The following HIPK2 variants were observed in gnomAD, a reference collection of about 807,000 sequenced individuals.
HIPK2 encodes homeodomain-interacting protein kinase 2.
HIPK2 carries 27 observed loss-of-function variants against 113.7 expected under a neutral mutation model. That is an observed-to-expected ratio of 0.24 (90% CI 0.17 to 0.33). The LOEUF (loss-of-function observed/expected upper bound fraction) is 0.33. Among genes scored for constraint, HIPK2 ranks in the 10% least tolerant of loss-of-function variants. The pLI, the probability that HIPK2 is intolerant of heterozygous loss-of-function variation, is 1.00. For synonymous variants in HIPK2, 631 were observed against 642.2 expected (o/e 0.98, Z 0.26); for missense variants, 1,257 against 1,588.0 (o/e 0.79, Z 3.54).
At chr7:139,624,188 T>A (rs978905131) in intron 6 of HIPK2, among the ~76,000 whole-genome samples, 37 of 152,160 alleles carry the variant, frequency 2.4e-4, no homozygotes, top group Non-Finnish European at 4.0e-4. Flanking sequence ...CACGCTTGGC[T>A]AATTTTTGTA....
intron 5 of HIPK2, among the ~76,000 whole-genome samples, chr7:139,628,156 C>G (rs914514420): frequency 1.3e-5 from 2 of 152,172 alleles, no homozygotes; most frequent in African/African-American, 2.4e-5. Flanking sequence ...CTGCCAGAAG[C>G]TGGGAGACAG....
rs752890410 is a variant in HIPK2 at position 139,631,688 on chromosome 7, C to T, written c.1141G>A (p.Ala381Thr). The T allele has an allele frequency of 6.2e-7, 1 of 1,613,932 alleles. No homozygotes were observed. Residue 381 changes from alanine to threonine, a missense_variant, in exon 3 of 15, where the codon GCA becomes ACA. Physicochemically the swap from Ala to Thr is moderately conservative, Grantham distance 58. Around this residue, in one of 5 missense-constraint regions of HIPK2, gnomAD observed 84 missense variants for 182.2 expected, o/e 0.46. Coordinates refer to ENST00000406875, the MANE Select transcript of HIPK2 (RefSeq NM_022740.5). This position sits in a 1 kb window ranked among gnomAD's most constrained non-coding sequence, Gnocchi z 4.9. Reference sequence around the variant, plus strand: ...CAGCCCAGGGACCACATGTCAATTGCCTCACAAAATGGTAAACCAAGGATG... The same window carrying T: ...CAGCCCAGGGACCACATGTCAATTGTCTCACAAAATGGTAAACCAAGGATG... ...EIILGLPFCE[A>T]IDMWSLGCVI...
In HIPK2 at chr7:139,583,828, C is replaced by T. The variant is rs765616125; in HGVS notation, c.2954G>A (p.Ser985Asn). 5 of 1,611,102 alleles carry T rather than the reference C, an allele frequency of 3.1e-6. No homozygotes were observed. In the South Asian group the frequency reaches 3.3e-5, roughly 11 times the overall value. ...QASEVLVECDSLVPVNTSHHS... is the reference protein window; with the variant it reads ...QASEVLVECDNLVPVNTSHHS... ...TGGCCCCAAATTACCTGGCACCAGG[C>T]TATCACACTCCACCAATACTTCGCT... is the stretch of plus-strand genomic sequence containing the variant. The change falls in exon 13 of 15, where the codon AGC becomes AAC. Residue 985 changes from serine (S) to asparagine (N), a missense_variant. Physicochemically the swap from Ser to Asn is conservative, Grantham distance 46. Coordinates refer to ENST00000406875, the MANE Select transcript of HIPK2 (RefSeq NM_022740.5).
At chr7:139,616,068 C>T (rs1158580033) in intron 7 of HIPK2, among the ~76,000 whole-genome samples, 1 of 152,122 alleles carries the variant, frequency 6.6e-6, no homozygotes, top group Non-Finnish European at 1.5e-5. Flanking sequence ...TATCTAGACT[C>T]CCCCCAGCCC....
chr7:139,776,259 T>C (rs1393229062), intron 1 of HIPK2, among the ~76,000 whole-genome samples: 2 of 151,838 alleles, frequency 1.3e-5, no homozygotes, highest in Non-Finnish European at 2.9e-5. Flanking sequence ...TGTTGCCTTC[T>C]AAACAGCCCC....
intron 10 of HIPK2, among the ~76,000 whole-genome samples, chr7:139,601,973 G>A (rs1006633057): frequency 1.7e-5 from 2 of 115,602 alleles, no homozygotes; most frequent in Non-Finnish European, 3.4e-5. Context: ...TTTTTTTTGA[G>A]ATGGAGTCTC....
intron 2 of HIPK2, among the ~76,000 whole-genome samples, chr7:139,695,277 C>T (rs966430202): frequency 2.6e-5 from 4 of 152,206 alleles, no homozygotes; most frequent in African/African-American, 7.2e-5. Flanking sequence ...CCGTGGTCCT[C>T]GTCATCAAAG....
chr7:139,773,028 T>C (rs1165326174), intron 1 of HIPK2, among the ~76,000 whole-genome samples: 2 of 151,982 alleles, frequency 1.3e-5, no homozygotes, highest in African/African-American at 2.4e-5. Flanking sequence ...TCCCCCACCC[T>C]GTAAAGTCAG....
At chr7:139,624,632 T>C (rs186164830) in intron 6 of HIPK2, among the ~76,000 whole-genome samples, 1 of 152,320 alleles carries the variant, frequency 6.6e-6, no homozygotes, top group East Asian at 1.9e-4. Context: ...AACCCTTCTC[T>C]GCATTGACCA....
chr7:139,702,126 G>A (rs1794726107), intron 2 of HIPK2, among the ~76,000 whole-genome samples: 1 of 152,228 alleles, frequency 6.6e-6, no homozygotes, highest in Non-Finnish European at 1.5e-5. Flanking sequence ...CCAGACTCCA[G>A]CAGCGCAGGC....
At position 139,629,051 on chromosome 7, in the gene HIPK2, G is replaced by A; in HGVS notation, c.1348-12C>T. ...TGGTCATCTGGTGTCTGTCAAGAGA[G>A]GCAAAAGCCAATTGGTAGCGTGACT... On this transcript the variant is annotated splice_polypyrimidine_tract_variant and intron_variant, in intron 4 of 14. Transcript: ENST00000406875. 3 of 1,580,312 alleles carry A rather than the reference G, an allele frequency of 1.9e-6. No individual in the cohort carries two copies. The highest frequency in any genetic ancestry group is 2.6e-6 in the Non-Finnish European group (3 of 1,160,778).
chr7:139,604,420 G>A (rs933207273), intron 9 of HIPK2, 197 bp from the exon 10 acceptor site: 11 of 273,260 alleles, frequency 4.0e-5, no homozygotes, highest in Non-Finnish European at 5.0e-5. Flanking sequence ...AGTGGCTCAC[G>A]CCTGTAATCC....
chr7:139,702,455 C>A (rs1453313429), intron 2 of HIPK2, among the ~76,000 whole-genome samples: 1 of 152,198 alleles, frequency 6.6e-6, no homozygotes, highest in East Asian at 1.9e-4. Context: ...GCACAGGGAC[C>A]CTCGCCGAGG....
chr7:139,762,090 C>T (rs1796474505), intron 1 of HIPK2, among the ~76,000 whole-genome samples: 1 of 152,158 alleles, frequency 6.6e-6, no homozygotes, highest in Non-Finnish European at 1.5e-5. Context: ...TAGTAATCTA[C>T]AGAAGGTCAT....
At chr7:139,765,517 C>T (rs997606557) in intron 1 of HIPK2, among the ~76,000 whole-genome samples, 8 of 152,286 alleles carry the variant, frequency 5.3e-5, no homozygotes, top group Middle Eastern at 3.4e-3. Flanking sequence ...TGCTTCAGGG[C>T]AGGAATTTTA....
chr7:139,729,366 A>AGAGAGG (rs1233645954), intron 1 of HIPK2, among the ~76,000 whole-genome samples: 1 of 145,698 alleles, frequency 6.9e-6, no homozygotes, highest in Non-Finnish European at 1.5e-5. Flanking sequence ...AGAGAGAGAG[A>AGAGAGG]GAGAGAGAGA....
intron 2 of HIPK2, among the ~76,000 whole-genome samples, chr7:139,677,274 CACACACATATATACACATTT>C (rs1161367730): frequency 6.6e-6 from 1 of 151,588 alleles, no homozygotes; most frequent in Non-Finnish European, 1.5e-5. Context: ...CACACACACA[CACACACATATATACACATTT>C]TTTAAACAAC....
chr7:139,633,950 GAA>G (rs760354667), intron 2 of HIPK2, among the ~76,000 whole-genome samples: 6 of 126,366 alleles, frequency 4.7e-5, no homozygotes, highest in African/African-American at 5.5e-5. Flanking sequence ...GTCGCAAAAA[GAA>G]AAAAAAAAAA....
At chr7:139,585,635 C>T (rs1456915380) in intron 12 of HIPK2, among the ~76,000 whole-genome samples, 1 of 152,174 alleles carries the variant, frequency 6.6e-6, no homozygotes, top group African/African-American at 2.4e-5. Flanking sequence ...AATAATTGTA[C>T]CTATATCATA....
Sources: gnomAD v4.1 joint callset for allele counts (sites outside exome capture counted in the v4.1 genomes callset) on GRCh38, gnomAD v4.1.1 for gene constraint, gnomAD v4.1.1 regional missense constraint, Gnocchi (gnomAD v3.1) non-coding constraint, MANE v1.5 for transcripts, NCBI Gene and HGNC (gene_info 2026-07-23, HGNC 2026-07-21) for gene names.